Variants in NRP1 observed in about 807,000 individuals in gnomAD.
The protein encoded by NRP1 is neuropilin 1.
NRP1 carries 35 observed loss-of-function variants against 106.7 expected under a neutral mutation model. The ratio of observed to expected loss-of-function variants is 0.33; its 90% CI spans 0.25 to 0.43. The LOEUF is 0.43. Among genes scored for constraint, NRP1 ranks in the 20% least tolerant of loss-of-function variants. The pLI is 1.00. For synonymous variants in NRP1, 437 were observed against 417.9 expected, an observed-to-expected ratio of 1.05 and a Z score of -0.56; for missense variants, 1,024 against 1,170.4, an observed-to-expected ratio of 0.87 and a Z score of 1.83.
intron 6 of NRP1, among the ~76,000 whole-genome samples, chr10:33,230,822 A>T (rs911945151): frequency 2.0e-5 from 3 of 152,178 alleles, no homozygotes; most frequent in African/African-American, 7.2e-5. Context: ...AATTTAAAAT[A>T]TTAATGCCTT....
chr10:33,302,868 G>C (rs1050873602), intron 2 of NRP1, among the ~76,000 whole-genome samples: 1 of 152,190 alleles, frequency 6.6e-6, no homozygotes, highest in Non-Finnish European at 1.5e-5. Flanking sequence ...TTGGTAAGTG[G>C]CCTGTTTTTG....
chr10:33,220,338 A>T (rs1019673280), intron 8 of NRP1, among the ~76,000 whole-genome samples: 3 of 152,340 alleles, frequency 2.0e-5, no homozygotes, highest in Non-Finnish European at 2.9e-5. Flanking sequence ...GGAATAAAAA[A>T]TTAAATACCC....
At chr10:33,223,041 C>A (rs989241322) in intron 7 of NRP1, among the ~76,000 whole-genome samples, 1 of 152,166 alleles carries the variant, frequency 6.6e-6, no homozygotes, top group Non-Finnish European at 1.5e-5. Flanking sequence ...GGGAACAGCC[C>A]GTGGGATGGT....
chr10:33,327,131 TACTG>T (rs147013366), intron 2 of NRP1, among the ~76,000 whole-genome samples: 5,765 of 152,158 alleles, frequency 0.038, 350 homozygotes, highest in African/African-American at 0.13. Flanking sequence ...ACTATACAAA[TACTG>T]ACCATTTCAA....
intron 2 of NRP1, among the ~76,000 whole-genome samples, chr10:33,330,395 GAAA>G (rs559017298): frequency 7.8e-6 from 1 of 127,560 alleles, no homozygotes; most frequent in Non-Finnish European, 1.7e-5. Flanking sequence ...CCCTCTCCAG[GAAA>G]AAAAAAAAAA....
chr10:33,272,725 G>A (rs1247707667), intron 2 of NRP1, among the ~76,000 whole-genome samples: 2 of 152,036 alleles, frequency 1.3e-5, no homozygotes, highest in Non-Finnish European at 2.9e-5. Context: ...TTCGCCCCAC[G>A]CTTTCTTATA....
At chr10:33,206,916 T>C (rs1313617825) in intron 10 of NRP1, among the ~76,000 whole-genome samples, 1 of 152,242 alleles carries the variant, frequency 6.6e-6, no homozygotes, top group Non-Finnish European at 1.5e-5. Flanking sequence ...AATCTAAGTG[T>C]AGGCAGTAAT....
intron 6 of NRP1, among the ~76,000 whole-genome samples, chr10:33,228,978 T>C (rs1016291936): frequency 1.3e-5 from 2 of 152,242 alleles, no homozygotes; most frequent in Non-Finnish European, 2.9e-5. Flanking sequence ...GGTACTTTGA[T>C]GAATGTTTTA....
intron 8 of NRP1, among the ~76,000 whole-genome samples, chr10:33,220,301 TA>T (rs1387615728): frequency 8.5e-5 from 13 of 152,048 alleles, no homozygotes. Context: ...TAAAAATAAT[TA>T]AACTAAAGAG....
At chr10:33,334,278 C>T (rs1396761763) in intron 1 of NRP1, 32 bp downstream of exon 1, 3 of 1,531,814 alleles carry the variant, frequency 2.0e-6, no homozygotes, top group African/African-American at 2.8e-5. Flanking sequence ...GCCGGGGCGC[C>T]GCTGTCACCC....
At position 33,330,066 on chromosome 10, in the gene NRP1, A is replaced by G. The variant is rs1231589722; in HGVS notation, c.248+642T>C. ...GCAGGTGGATGAAACACTGATGTGTATTTGAGTTCCCATTGTATTCATCGT... is the reference window on the plus strand; with the variant it reads ...GCAGGTGGATGAAACACTGATGTGTGTTTGAGTTCCCATTGTATTCATCGT... On this transcript the variant is annotated intron_variant, in intron 2 of 16. Transcript: ENST00000374867. Among the ~76,000 whole-genome samples, 3 of 152,230 alleles carry G rather than the reference A, an allele frequency of 2.0e-5. No individual in the cohort carries two copies. The East Asian group carries it at 5.8e-4, about 29-fold the overall frequency.
At chr10:33,256,650 T>C (rs1842217902) in intron 4 of NRP1, among the ~76,000 whole-genome samples, 179 bp from the exon 5 acceptor site, 1 of 152,212 alleles carries the variant, frequency 6.6e-6, no homozygotes, top group South Asian at 2.1e-4. Flanking sequence ...GCGGAGAAGA[T>C]TTTAAAGTGT....
chr10:33,246,536 C>T (rs2133112529), intron 6 of NRP1, among the ~76,000 whole-genome samples: 1 of 151,876 alleles, frequency 6.6e-6, no homozygotes, highest in South Asian at 2.1e-4. Context: ...GTCTTCCTTC[C>T]AGATGAATGT....
chr10:33,236,965 A>C (rs1177172589), intron 6 of NRP1, among the ~76,000 whole-genome samples: 1 of 151,664 alleles, frequency 6.6e-6, no homozygotes, highest in Non-Finnish European at 1.5e-5. Context: ...CGCAATTAAG[A>C]CCTTTTTTTT....
At chr10:33,248,173 C>G (rs1438395142) in intron 6 of NRP1, among the ~76,000 whole-genome samples, 1 of 152,088 alleles carries the variant, frequency 6.6e-6, no homozygotes, top group Non-Finnish European at 1.5e-5. Flanking sequence ...GCCTGTAATC[C>G]CAGCTACTCA....
intron 12 of NRP1, among the ~76,000 whole-genome samples, chr10:33,197,004 C>T (rs768114487): frequency 2.0e-5 from 3 of 152,110 alleles, no homozygotes; most frequent in Non-Finnish European, 2.9e-5. Context: ...GGAAGAATTT[C>T]ACAGGATACT....
At chr10:33,318,006 G>A (rs933720687) in intron 2 of NRP1, among the ~76,000 whole-genome samples, 2 of 152,122 alleles carry the variant, frequency 1.3e-5, no homozygotes, top group African/African-American at 4.8e-5. Flanking sequence ...CCAAACCTGC[G>A]GATGCACTTC....
At position 33,217,503 on chromosome 10, in the gene NRP1, G is replaced by A. The variant is rs369132123; in HGVS notation, c.1283-3786C>T. Among the ~76,000 whole-genome samples, 10 of 152,262 alleles carry A rather than the reference G, an allele frequency of 6.6e-5. No individual in the cohort carries two copies. The South Asian group carries it at 8.3e-4, about 13-fold the overall frequency. On this transcript the variant is annotated intron_variant, in intron 8 of 16. Coordinates refer to ENST00000374867, the MANE Select transcript of NRP1 (RefSeq NM_003873.7). ...TTCAAGGTTTGAATGAGATGCTAGC[G>A]TTTAACTCTGTCCCTTCATAGCAGG...
chr10:33,306,047 G>A (rs1421012209), intron 2 of NRP1, among the ~76,000 whole-genome samples: 2 of 152,112 alleles, frequency 1.3e-5, no homozygotes, highest in African/African-American at 4.8e-5. Flanking sequence ...GATTACAGGC[G>A]TGCCACCGTG....
Sources: gnomAD v4.1 joint callset for allele counts (sites outside exome capture counted in the v4.1 genomes callset) on GRCh38, gnomAD v4.1.1 for gene constraint, MANE v1.5 for transcripts, NCBI Gene and HGNC (gene_info 2026-07-23, HGNC 2026-07-21) for gene names.